HECW1: variants seen among roughly 807,000 people sequenced by gnomAD.
The protein encoded by HECW1 is E3 ubiquitin-protein ligase HECW1.
A neutral mutation model predicts 182.3 loss-of-function variants in HECW1; 61 were observed. The observed-to-expected ratio is 0.33, with a 90% CI of 0.27 to 0.41. HECW1 has a LOEUF of 0.41. Ranked by LOEUF, HECW1 falls within the 10% of genes least tolerant of loss-of-function variation. HECW1 has a pLI of 1.00. For synonymous variants in HECW1, 859 were observed against 832.6 expected, an observed-to-expected ratio of 1.03 and a Z score of -0.55; for missense variants, 1,739 against 2,108.9, an observed-to-expected ratio of 0.82 and a Z score of 3.44.
rs2082272414 is a variant in HECW1 at position 43,563,887 on chromosome 7, A to T, written c.*1961A>T. On this transcript the variant is annotated 3_prime_UTR_variant, in exon 30 of 30. Transcript: ENST00000395891. Reference sequence around the variant, plus strand: ...CCATCTAAAAAAAAAATAAATAAAAATAAAAGCATTTTTTTAGTAGGAATT... The same window carrying T: ...CCATCTAAAAAAAAAATAAATAAAATTAAAAGCATTTTTTTAGTAGGAATT... 1.6e-5 allele frequency: 3 copies of T among 182,598 alleles called. No individual in the cohort carries two copies. In the East Asian group the frequency reaches 2.7e-4, roughly 16 times the overall value. 11.3% of individuals were successfully genotyped at this position (182,598 alleles called of 1,614,324 possible). A position where few individuals can be genotyped will look rare whatever the true frequency, so the allele number is the denominator to read the frequency against.
At chr7:43,172,662 G>T (rs1375760314) in intron 2 of HECW1, among the ~76,000 whole-genome samples, 1 of 152,108 alleles carries the variant, frequency 6.6e-6, no homozygotes, top group East Asian at 1.9e-4. Flanking sequence ...TCTGCCCTAT[G>T]TCCCTTCCCC....
intron 3 of HECW1, among the ~76,000 whole-genome samples, chr7:43,309,477 T>A (rs891951071): frequency 7.2e-5 from 11 of 152,118 alleles, no homozygotes; most frequent in Non-Finnish European, 1.5e-5. Context: ...TTCAGGAGAG[T>A]TCTCTAGTTT....
At chr7:43,510,674 C>T (rs1233560718) in intron 24 of HECW1, among the ~76,000 whole-genome samples, 1 of 152,134 alleles carries the variant, frequency 6.6e-6, no homozygotes, top group East Asian at 1.9e-4. Flanking sequence ...GGAAAAATAT[C>T]GCACTCTGTC....
At chr7:43,486,995 T>C (rs531659470) in intron 17 of HECW1, among the ~76,000 whole-genome samples, 2 of 152,352 alleles carry the variant, frequency 1.3e-5, no homozygotes, top group East Asian at 3.9e-4. Context: ...CTTCTTATTA[T>C]AAAAATATTG....
At chr7:43,285,515 G>T (rs1562783638) in intron 3 of HECW1, among the ~76,000 whole-genome samples, 1 of 152,080 alleles carries the variant, frequency 6.6e-6, no homozygotes, top group Non-Finnish European at 1.5e-5. Context: ...CCCACCCAAA[G>T]TCATAAAAAA....
At chr7:43,186,627 C>G (rs1793430314) in intron 2 of HECW1, among the ~76,000 whole-genome samples, 2 of 150,846 alleles carry the variant, frequency 1.3e-5, no homozygotes, top group Non-Finnish European at 2.9e-5. Context: ...AGGGATTGCA[C>G]CACCGCACTC....
chr7:43,195,596 C>T (rs1412409070), intron 2 of HECW1, among the ~76,000 whole-genome samples: 3 of 152,238 alleles, frequency 2.0e-5, no homozygotes, highest in East Asian at 3.9e-4. Context: ...GGGCTGGGGT[C>T]GGTCCCCAAA....
intron 3 of HECW1, among the ~76,000 whole-genome samples, chr7:43,293,394 T>C (rs745654683): frequency 1.3e-5 from 2 of 152,174 alleles, no homozygotes; most frequent in Non-Finnish European, 2.9e-5. Flanking sequence ...GTAACTGAAG[T>C]GGTAGCCCAC....
intron 3 of HECW1, among the ~76,000 whole-genome samples, chr7:43,293,837 C>T (rs1805705475): frequency 6.6e-6 from 1 of 152,134 alleles, no homozygotes; most frequent in African/African-American, 2.4e-5. Flanking sequence ...GGCCACACAG[C>T]AGGAGGTGAG....
intron 2 of HECW1, among the ~76,000 whole-genome samples, chr7:43,154,734 C>T (rs1789697292): frequency 6.6e-6 from 1 of 152,214 alleles, no homozygotes; most frequent in Non-Finnish European, 1.5e-5. Flanking sequence ...GCTGTTTCTG[C>T]TGGAGACATC....
At chr7:43,149,288 T>C (rs1438263452) in intron 2 of HECW1, among the ~76,000 whole-genome samples, 2 of 152,186 alleles carry the variant, frequency 1.3e-5, no homozygotes, top group Non-Finnish European at 1.5e-5. Context: ...CCTCCAGATA[T>C]GATGCACTGA....
At chr7:43,192,062 C>T (rs1046083378) in intron 2 of HECW1, among the ~76,000 whole-genome samples, 4 of 151,628 alleles carry the variant, frequency 2.6e-5, no homozygotes, top group Admixed American at 6.6e-5. Context: ...TGGGTTCAAG[C>T]GATTCTCCTG....
Position 43,112,946 on chromosome 7 carries a change from G to T in HECW1, c.-267+9G>T, listed in dbSNP as rs571254177. ...AGGCCAGGGCTGCCAAGGTAAGCGG[G>T]CGTAGCGCGGGGACACTGTCTGCCG... is the stretch of plus-strand genomic sequence containing the variant. On this transcript the variant is annotated intron_variant, in intron 1 of 29. Coordinates refer to ENST00000395891, the MANE Select transcript of HECW1 (RefSeq NM_015052.5). The T allele has an allele frequency of 3.9e-3, 832 of 212,168 alleles. 12 individuals are homozygous for T. Among genetic ancestry groups the T allele is most frequent in the Non-Finnish European group, 6.1e-3 (636 of 104,514 alleles). The allele number at this position is 212,168 out of a possible 1,614,324, so 13.1% of individuals were successfully genotyped here.
intron 3 of HECW1, among the ~76,000 whole-genome samples, chr7:43,251,813 C>T (rs1332642763): frequency 2.0e-5 from 3 of 152,180 alleles, no homozygotes; most frequent in African/African-American, 4.8e-5. Flanking sequence ...TTAGCTGAAG[C>T]GCATGTTATT....
intron 2 of HECW1, among the ~76,000 whole-genome samples, chr7:43,230,382 A>G (rs1242615220): frequency 6.6e-6 from 1 of 152,206 alleles, no homozygotes; most frequent in Non-Finnish European, 1.5e-5. Flanking sequence ...TGACAGAGAG[A>G]GACTCTGTCT....
chr7:43,497,311 T>C (rs896009545), intron 19 of HECW1, among the ~76,000 whole-genome samples: 16 of 151,986 alleles, frequency 1.1e-4, no homozygotes, highest in Admixed American at 9.2e-4. Context: ...CAGGAGTAGA[T>C]TGGGAGGGTA....
intron 8 of HECW1, among the ~76,000 whole-genome samples, chr7:43,416,443 A>G (rs1317279188): frequency 6.6e-6 from 1 of 151,378 alleles, no homozygotes; most frequent in African/African-American, 2.4e-5. Context: ...GCTGTCAGAC[A>G]GGGACATTTA....
intron 10 of HECW1, 53 bp downstream of exon 10, chr7:43,442,682 G>A: frequency 2.4e-6 from 3 of 1,240,992 alleles, no homozygotes; most frequent in Non-Finnish European, 2.4e-6. Flanking sequence ...CATAAGTGTG[G>A]TTCCTTTTTC....
chr7:43,112,711 C>G lies in HECW1; in HGVS notation c.-493C>G, dbSNP rs1328474902. On this transcript the variant is annotated 5_prime_UTR_variant, in exon 1 of 30. Transcript: ENST00000395891. Reference sequence around the variant, plus strand: ...TCTGACCGAACCGGCCCCCTCCTCGCGCACACACTCGCCGAGCCGCGCGCG... The same window carrying G: ...TCTGACCGAACCGGCCCCCTCCTCGGGCACACACTCGCCGAGCCGCGCGCG... The G allele has an allele frequency of 4.3e-6, 1 of 230,744 alleles. No homozygotes were observed. The highest frequency in any genetic ancestry group is 8.6e-6 in the Non-Finnish European group (1 of 116,410). The allele number at this position is 230,744 out of a possible 1,614,324, so 14.3% of individuals were successfully genotyped here. A position where few individuals can be genotyped will look rare whatever the true frequency, so the allele number is the denominator to read the frequency against.
Sources: allele counts gnomAD v4.1 joint callset (sites outside exome capture counted in the v4.1 genomes callset), GRCh38; gene constraint gnomAD v4.1.1; transcripts MANE v1.5; gene names NCBI Gene and HGNC (gene_info 2026-07-23, HGNC 2026-07-21).